SON: variants seen among roughly 807,000 people sequenced by gnomAD.
SON encodes protein SON.
In SON, 4 loss-of-function variants were observed where a neutral mutation model predicts 173.3. The ratio of observed to expected loss-of-function variants is 0.02; its 90% CI spans 0.01 to 0.05. SON has a LOEUF of 0.05. Among genes scored for constraint, SON ranks in the 10% least tolerant of loss-of-function variants. The probability of loss-of-function intolerance (pLI) is 1.00; values close to 1 mark genes in which losing one functional copy is unlikely to be tolerated. For synonymous variants in SON, 1,190 were observed against 1,105.9 expected (o/e 1.08, Z -1.51); for missense variants, 2,626 against 3,055.3 (o/e 0.86, Z 3.31).
Position 33,552,780 on chromosome 21 carries a change from C to A in SON, c.3549C>A (p.Pro1183=), listed in dbSNP as rs772363715. The A allele has an allele frequency of 5.6e-6, 9 of 1,613,758 alleles. No homozygotes were observed. The highest frequency in any genetic ancestry group is 5.1e-6 in the Non-Finnish European group (6 of 1,180,034). The change falls in exon 3 of 12, where the codon CCC becomes CCA. Residue 1183 remains proline, a synonymous_variant. Transcript: ENST00000356577. The surrounding 1 kb of genome is among the most constrained non-coding windows in gnomAD (Gnocchi z 5.6). ...AACCACCAGAGGGTCCAGCATTGCC[C>A]ACTGAGCAGTCAGCATTAACAGCTG... The part of the protein sequence containing the change: ...PEEPPEGPAL[P]TEQSALTAEN...
At chr21:33,548,978 G>T (rs1447886473) in intron 2 of SON, among the ~76,000 whole-genome samples, 1 of 152,126 alleles carries the variant, frequency 6.6e-6, no homozygotes, top group Non-Finnish European at 1.5e-5. Flanking sequence ...GGCATTAGTT[G>T]TGGAAAGAAT....
chr21:33,560,307 T>A, intron 6 of SON: 1 of 1,372,126 alleles, frequency 7.3e-7, no homozygotes, highest in Non-Finnish European at 9.4e-7. Context: ...GCCTTTAATT[T>A]TAATTATTTT....
chr21:33,543,411 T>G (rs541877271), intron 1 of SON: 1 of 563,084 alleles, frequency 1.8e-6, no homozygotes, highest in Non-Finnish European at 3.2e-6. Context: ...AGAACCGAGT[T>G]AAGATGTTCA....
At position 33,543,102 on chromosome 21, in the gene SON, A is replaced by G. The variant is rs1394326730; in HGVS notation, c.10A>G (p.Asn4Asp). 6.2e-7 allele frequency: 1 copy of G among 1,614,144 alleles called. No homozygotes were observed. Among genetic ancestry groups the G allele is most frequent in the Non-Finnish European group, 8.5e-7 (1 of 1,180,046 alleles). The change falls in exon 1 of 12, where the codon AAC becomes GAC. Residue 4 changes from asparagine (N) to aspartate (D), a missense_variant. By Grantham distance (23) the Asn-to-Asp change is conservative. Transcript: ENST00000356577. MAT[N>D]IEQIFRSFVV... ...GAACGGAGCGGACGCCATGGCGACC[A>G]ACATCGAGCAGATTTTTAGGTCTTT... is the stretch of plus-strand genomic sequence containing the variant.
Position 33,553,438 on chromosome 21 carries a change from G to A in SON, c.4207G>A (p.Val1403Ile). The change falls in exon 3 of 12, where the codon GTT (valine) becomes ATT (isoleucine). Residue 1403 changes from valine (V) to isoleucine (I), a missense_variant. Coordinates refer to ENST00000356577, the MANE Select transcript of SON (RefSeq NM_138927.4). ...EPPVVAEPDY[V>I]TIPVPVVSAL... ...TCCTGTTGTGGCTGAGCCAGACTAT[G>A]TTACCATTCCTGTGCCAGTTGTTTC... The A allele has an allele frequency of 6.2e-7, 1 of 1,614,186 alleles. No homozygotes were observed. Among genetic ancestry groups the A allele is most frequent in the African/African-American group, 1.3e-5 (1 of 75,042 alleles).
chr21:33,575,411 T>C (rs1264568709), intron 9 of SON, 185 bp from the exon 10 acceptor site: 1 of 473,194 alleles, frequency 2.1e-6, no homozygotes, highest in Non-Finnish European at 3.7e-6. Context: ...GAATATTAAA[T>C]ATAAATTTAT....
intron 8 of SON, 187 bp downstream of exon 8, chr21:33,569,274 A>C (rs971362356): frequency 4.1e-5 from 22 of 540,546 alleles, no homozygotes; most frequent in Non-Finnish European, 6.7e-5. Flanking sequence ...AAATGTATAA[A>C]TGTGGCTCAA....
At chr21:33,561,744 T>G (rs557580415) in intron 6 of SON, among the ~76,000 whole-genome samples, 1 of 152,262 alleles carries the variant, frequency 6.6e-6, no homozygotes, top group South Asian at 2.1e-4. Context: ...AGATTTTAAT[T>G]AAAGGTTGAG....
intron 9 of SON, among the ~76,000 whole-genome samples, chr21:33,574,107 T>C (rs932223037): frequency 6.6e-6 from 1 of 152,230 alleles, no homozygotes; most frequent in African/African-American, 2.4e-5. Flanking sequence ...AAGTATTTAA[T>C]CATTCCCACA....
chr21:33,551,390 C>A lies in SON; in HGVS notation c.2159C>A (p.Thr720Asn), dbSNP rs765797562. Residue 720 changes from threonine to asparagine, a missense_variant, in exon 3 of 12, where the codon ACC becomes AAC. By Grantham distance (65) the Thr-to-Asn change is moderately conservative. Coordinates refer to ENST00000356577, the MANE Select transcript of SON (RefSeq NM_138927.4). ...GAATCCCATATATTAGCTTCTAACA[C>A]CATGGAGACCCATATATTAGCATCC... Reference protein sequence around the residue: ...APESHILASNTMETHILASNT... With the variant: ...APESHILASNNMETHILASNT... 4 of 1,614,120 alleles carry A rather than the reference C, an allele frequency of 2.5e-6. No individual in the cohort carries two copies. In the Admixed American group the frequency reaches 6.7e-5, roughly 27 times the overall value.
In SON at chr21:33,575,893, G is replaced by T; in HGVS notation, c.7221G>T (p.Arg2407Ser). The T allele has an allele frequency of 1.4e-6, 2 of 1,453,370 alleles. No individual in the cohort carries two copies. Among genetic ancestry groups the T allele is most frequent in the South Asian group, 1.2e-5 (1 of 82,938 alleles). 90.0% of individuals were successfully genotyped at this position (1,453,370 alleles called of 1,614,324 possible). A position where few individuals can be genotyped will look rare whatever the true frequency, so the allele number is the denominator to read the frequency against. ...ATCATCGCAAACATTTTCTCTTTAG[G>T]GTAAATATGAATTTCTGCATTAATT... ...GPDHRKHFLF[R>S]VLRNGALTRP... Residue 2407 changes from arginine (R) to serine (S), a missense_variant and splice_region_variant, in exon 11 of 12, where the codon AGG becomes AGT. Physicochemically the swap from Arg to Ser is moderately radical, Grantham distance 110. Coordinates refer to ENST00000356577, the MANE Select transcript of SON (RefSeq NM_138927.4).
At chr21:33,568,582 A>G (rs1446866638) in intron 7 of SON, among the ~76,000 whole-genome samples, 1 of 152,250 alleles carries the variant, frequency 6.6e-6, no homozygotes, top group African/African-American at 2.4e-5. Context: ...TAGTCTGTAT[A>G]AATGTCTCAA....
At chr21:33,543,224 C>A in intron 1 of SON, 55 bp downstream of exon 1, 1 of 1,439,762 alleles carries the variant, frequency 6.9e-7, no homozygotes, top group Non-Finnish European at 9.8e-7. Context: ...CCTCACCTAG[C>A]CTTCTTTGGC....
rs1569059028 is a variant in SON at position 33,554,823 on chromosome 21, G to A, written c.5592G>A (p.Arg1864=). The A allele has an allele frequency of 4.3e-6, 7 of 1,613,870 alleles. No homozygotes were observed. Among genetic ancestry groups the A allele is most frequent in the Non-Finnish European group, 5.1e-6 (6 of 1,180,036 alleles). The change falls in exon 3 of 12, where the codon CGG becomes CGA. Residue 1864 remains arginine (R), a synonymous_variant. Transcript: ENST00000356577. ...SKSHRSQTRS[R]SRSRRRRRSS... is the part of the protein sequence containing the mutation. Reference sequence around the variant, plus strand: ...CTCATCGCTCTCAGACACGTTCACGGTCACGTTCAAGACGCAGGAGGAGAA... The same window carrying A: ...CTCATCGCTCTCAGACACGTTCACGATCACGTTCAAGACGCAGGAGGAGAA...
rs201936865 is a variant in SON at position 33,550,901 on chromosome 21, C to T, written c.1670C>T (p.Ala557Val). 9.0e-4 allele frequency: 1,456 copies of T among 1,609,938 alleles called. 22 individuals carry two copies. In the South Asian group the frequency reaches 0.012, roughly 14 times the overall value. The change falls in exon 3 of 12, where the codon GCG (alanine) becomes GTG (valine). Residue 557 changes from alanine to valine, a missense_variant. By Grantham distance (64) the Ala-to-Val change is moderately conservative (BLOSUM62 0). This residue lies in a region of SON where 757 missense variants were observed against 730.1 expected (regional missense o/e 1.04). Transcript: ENST00000356577. ...ELPGQPVATT[A>V]LELPGQPSVT... is the part of the protein sequence containing the mutation. ...CCAGGACAGCCAGTGGCAACGACAG[C>T]GCTGGAGTTGCCGGGGCAGCCTTCG...
chr21:33,551,442 G>T lies in SON; in HGVS notation c.2211G>T (p.Ala737=). 6.2e-7 allele frequency: 1 copy of T among 1,613,708 alleles called. No individual in the cohort carries two copies. The highest frequency in any genetic ancestry group is 8.5e-7 in the Non-Finnish European group (1 of 1,179,866). The change falls in exon 3 of 12, where the codon GCG becomes GCT. Residue 737 remains alanine (A), a synonymous_variant. Coordinates refer to ENST00000356577, the MANE Select transcript of SON (RefSeq NM_138927.4). ...ASNTMDSQML[A]SNTMDSQMLA... ...ACACCATGGACTCCCAAATGCTAGC[G>T]TCCAACACCATGGACTCCCAGATGC... is the stretch of plus-strand genomic sequence containing the variant.
chr21:33,576,593 A>G lies in SON; in HGVS notation c.*169A>G, dbSNP rs769279227. 2 of 717,792 alleles carry G rather than the reference A, an allele frequency of 2.8e-6. No homozygotes were observed. The highest frequency in any genetic ancestry group is 1.4e-5 in the South Asian group (1 of 69,270). The allele number at this position is 717,792 out of a possible 1,614,324, so 44.5% of individuals were successfully genotyped here. On this transcript the variant is annotated 3_prime_UTR_variant, in exon 12 of 12. Coordinates refer to ENST00000356577, the MANE Select transcript of SON (RefSeq NM_138927.4). ...CGTAGATAGATTGAGGTTTTATAAT[A>G]ATCATTTCAGAATTTTACTCTGCAT...
Position 33,551,197 on chromosome 21 carries a change from C to A in SON, c.1966C>A (p.Gln656Lys). The A allele has an allele frequency of 1.2e-6, 2 of 1,614,098 alleles. No individual in the cohort carries two copies. Among genetic ancestry groups the A allele is most frequent in the South Asian group, 1.1e-5 (1 of 91,082 alleles). The change falls in exon 3 of 12, where the codon CAG becomes AAG. Residue 656 changes from glutamine to lysine, a missense_variant. By Grantham distance (53) the Gln-to-Lys change is moderately conservative. Around this residue, in one of 13 missense-constraint regions of SON, gnomAD observed 182 missense variants for 193.6 expected, o/e 0.94. Transcript: ENST00000356577. ...VATVALEISVQSVVTTSELST... is the reference protein window; with the variant it reads ...VATVALEISVKSVVTTSELST... The stretch of plus-strand genomic sequence containing the variant: ...AACTGTGGCGCTGGAGATCTCTGTT[C>A]AGTCTGTGGTGACAACATCGGAGCT...
rs1236773493 is a variant in SON at position 33,551,392 on chromosome 21, A to G, written c.2161A>G (p.Met721Val). The change falls in exon 3 of 12, where the codon ATG becomes GTG. Residue 721 changes from methionine to valine, a missense_variant. This residue lies in a region of SON where 182 missense variants were observed against 193.6 expected (regional missense o/e 0.94). Transcript: ENST00000356577. ...ATCCCATATATTAGCTTCTAACACC[A>G]TGGAGACCCATATATTAGCATCCAA... ...PESHILASNT[M>V]ETHILASNTM... 1.2e-6 allele frequency: 2 copies of G among 1,613,996 alleles called. No individual in the cohort carries two copies. Among genetic ancestry groups the G allele is most frequent in the African/African-American group, 1.3e-5 (1 of 74,880 alleles).
Sources: allele counts gnomAD v4.1 joint callset (sites outside exome capture counted in the v4.1 genomes callset), GRCh38; gene constraint gnomAD v4.1.1; regional missense constraint gnomAD v4.1.1; non-coding constraint Gnocchi (gnomAD v3.1); transcripts MANE v1.5; gene names NCBI Gene and HGNC (gene_info 2026-07-23, HGNC 2026-07-21).